Variants in MEF2D observed in about 807,000 individuals in gnomAD.
MEF2D encodes myocyte enhancer factor 2D.
Under a neutral mutation model 59.3 loss-of-function variants are expected in MEF2D, and 10 were observed. The ratio of observed to expected loss-of-function variants is 0.17; its 90% CI spans 0.10 to 0.29. The LOEUF is 0.29. Ranked by LOEUF, MEF2D falls within the 10% of genes least tolerant of loss-of-function variation. The pLI, the probability that MEF2D is intolerant of heterozygous loss-of-function variation, is 1.00. For synonymous variants in MEF2D, 305 were observed against 295.0 expected, an observed-to-expected ratio of 1.03 and a Z score of -0.35; for missense variants, 508 against 699.4, an observed-to-expected ratio of 0.73 and a Z score of 3.09.
intron 1 of MEF2D, among the ~76,000 whole-genome samples, chr1:156,495,958 G>A (rs898813141): frequency 6.6e-6 from 1 of 152,034 alleles, no homozygotes; most frequent in African/African-American, 2.4e-5. Flanking sequence ...CCAGAGCTTC[G>A]GACATGTCCC....
chr1:156,475,469 ATGAAGGCACGTGTACTGGCCCTG>A (rs1298935784), intron 8 of MEF2D, among the ~76,000 whole-genome samples: 2 of 152,222 alleles, frequency 1.3e-5, no homozygotes, highest in African/African-American at 2.4e-5. Context: ...ACGTGCAAAG[ATGAAGGCACGTGTACTGGCCCTG>A]TGGCCCCAGC....
intron 1 of MEF2D, chr1:156,499,702 G>A (rs573705903): frequency 2.0e-5 from 3 of 152,340 alleles, no homozygotes; most frequent in East Asian, 3.9e-4. Context: ...AAGGACTAGA[G>A]AACTCTTGCC....
In MEF2D at chr1:156,482,443, G is replaced by C. The variant is rs1426608375; in HGVS notation, c.252C>G (p.Ile84Met). The change falls in exon 3 of 12, where the codon ATC becomes ATG. Residue 84 changes from isoleucine (I) to methionine (M), a missense_variant. This residue lies in a region of MEF2D where 481 missense variants were observed against 584.7 expected (regional missense o/e 0.82). Coordinates refer to ENST00000348159, the MANE Select transcript of MEF2D (RefSeq NM_005920.4). ...EPHESRTNADIIETLRKKGFN... is the reference protein window; with the variant it reads ...EPHESRTNADMIETLRKKGFN... ...CCTGTGTGTATGGGCCCACCTCGAT[G>C]ATGTCGGCGTTGGTGCGGCTCTCGT... The C allele has an allele frequency of 1.9e-6, 3 of 1,613,990 alleles. No individual in the cohort carries two copies. The highest frequency in any genetic ancestry group is 2.5e-6 in the Non-Finnish European group (3 of 1,180,038).
At chr1:156,484,492 C>G (rs1478545881) in intron 1 of MEF2D, among the ~76,000 whole-genome samples, 2 of 152,206 alleles carry the variant, frequency 1.3e-5, no homozygotes, top group Non-Finnish European at 2.9e-5. Flanking sequence ...TTTGCTGATT[C>G]CTGCCCTAGA....
chr1:156,472,499 C>T (rs780953593), intron 9 of MEF2D, among the ~76,000 whole-genome samples: 2 of 152,244 alleles, frequency 1.3e-5, no homozygotes, highest in Non-Finnish European at 2.9e-5. Context: ...GCTCTCTTAA[C>T]CTGCCACGAG....
intron 4 of MEF2D, 192 bp downstream of exon 4, chr1:156,480,642 C>T: frequency 7.1e-6 from 11 of 1,548,396 alleles, no homozygotes; most frequent in East Asian, 2.4e-5. Context: ...CGACTACTCA[C>T]GGCCAGTCTA....
intron 3 of MEF2D, among the ~76,000 whole-genome samples, chr1:156,481,567 C>G (rs1672020417): frequency 6.6e-6 from 1 of 152,224 alleles, no homozygotes; most frequent in Admixed American, 6.5e-5. Flanking sequence ...TCTGGGGGAT[C>G]TGCAGTAGAC....
chr1:156,485,926 C>T (rs111534740), intron 1 of MEF2D, among the ~76,000 whole-genome samples: 21 of 151,086 alleles, frequency 1.4e-4, no homozygotes, highest in South Asian at 2.1e-4. Context: ...CTTGGCTCAC[C>T]GCAACCTCTG....
intron 9 of MEF2D, among the ~76,000 whole-genome samples, chr1:156,471,824 GA>G (rs1016352750): frequency 1.3e-5 from 2 of 152,244 alleles, no homozygotes; most frequent in Non-Finnish European, 2.9e-5. Context: ...AGGGTCACCT[GA>G]AAACACCTGC....
intron 1 of MEF2D, among the ~76,000 whole-genome samples, chr1:156,484,711 G>T (rs1672236234): frequency 6.6e-6 from 1 of 152,212 alleles, no homozygotes; most frequent in African/African-American, 2.4e-5. Flanking sequence ...ACAGCTCCAT[G>T]CTAAAGCCAG....
intron 1 of MEF2D, among the ~76,000 whole-genome samples, chr1:156,496,501 G>A (rs1380092787): frequency 1.3e-5 from 2 of 152,108 alleles, no homozygotes; most frequent in African/African-American, 2.4e-5. Context: ...TGACTCACAA[G>A]CCATGCTCTT....
chr1:156,472,770 C>T (rs534761926), intron 9 of MEF2D, among the ~76,000 whole-genome samples: 1 of 150,562 alleles, frequency 6.6e-6, no homozygotes, highest in Admixed American at 6.6e-5. Flanking sequence ...AGTGCAGTGG[C>T]GTGATCTTGG....
chr1:156,496,003 C>T (rs891025492), intron 1 of MEF2D, among the ~76,000 whole-genome samples: 1 of 152,196 alleles, frequency 6.6e-6, no homozygotes, highest in African/African-American at 2.4e-5. Context: ...GAAAAGAAGT[C>T]AGACAGGCAC....
chr1:156,493,150 C>G (rs1672913380), intron 1 of MEF2D, among the ~76,000 whole-genome samples: 1 of 152,148 alleles, frequency 6.6e-6, no homozygotes, highest in South Asian at 2.1e-4. Flanking sequence ...GGTCTGAGCC[C>G]TGATTGCTGG....
chr1:156,485,522 CTT>C (rs60165062), intron 1 of MEF2D, among the ~76,000 whole-genome samples: 79,572 of 131,532 alleles, frequency 0.6, 23,726 homozygotes, highest in East Asian at 0.72. Flanking sequence ...TCTCCTTCTT[CTT>C]TTTTTTTTTT....
At chr1:156,478,597 C>T (rs1671777036) in intron 6 of MEF2D, among the ~76,000 whole-genome samples, 1 of 152,274 alleles carries the variant, frequency 6.6e-6, no homozygotes, top group African/African-American at 2.4e-5. Flanking sequence ...ATGGCATGAT[C>T]TCAGTTCACC....
At chr1:156,498,111 A>AAAC (rs1438333163) in intron 1 of MEF2D, among the ~76,000 whole-genome samples, 1 of 150,430 alleles carries the variant, frequency 6.6e-6, no homozygotes, top group African/African-American at 2.4e-5. Context: ...TAAAAAAAAA[A>AAAC]AAAAAAAAAA....
rs1224477754 is a variant in MEF2D, at chr1:156,467,059, G to T, written c.*586C>A. ...CACGTGTGTGTGCAGGGGCATTTGGGGGCCAGGCTTAAGTATTCTGCTCCA... is the reference window on the plus strand; with the variant it reads ...CACGTGTGTGTGCAGGGGCATTTGGTGGCCAGGCTTAAGTATTCTGCTCCA... On this transcript the variant is annotated 3_prime_UTR_variant, in exon 12 of 12. Coordinates refer to ENST00000348159, the MANE Select transcript of MEF2D (RefSeq NM_005920.4). 6.6e-6 allele frequency: 1 copy of T among 152,652 alleles called. No individual in the cohort carries two copies. The highest frequency in any genetic ancestry group is 2.4e-5 in the African/African-American group (1 of 41,436). The allele number at this position is 152,652 out of a possible 1,614,324, so 9.5% of individuals were successfully genotyped here.
At position 156,476,383 on chromosome 1, in the gene MEF2D, C is replaced by T. The variant is rs1313709455; in HGVS notation, c.876+111G>A. On this transcript the variant is annotated intron_variant, in intron 8 of 11. Transcript: ENST00000348159. The stretch of plus-strand genomic sequence containing the variant: ...TGGCAACTAAGCAAAGAAACAGCAA[C>T]AGTTCACGCACAGGCGAGAGGCCAA... 3.1e-6 allele frequency: 4 copies of T among 1,277,422 alleles called. No homozygotes were observed. The African/African-American group carries it at 5.8e-5, about 19-fold the overall frequency. The allele number at this position is 1,277,422 out of a possible 1,614,324, so 79.1% of individuals were successfully genotyped here.
Sources: allele counts gnomAD v4.1 joint callset (sites outside exome capture counted in the v4.1 genomes callset), GRCh38; gene constraint gnomAD v4.1.1; regional missense constraint gnomAD v4.1.1; transcripts MANE v1.5; gene names NCBI Gene and HGNC (gene_info 2026-07-23, HGNC 2026-07-21).